SEPTIN7: variants seen among roughly 807,000 people sequenced by gnomAD.
SEPTIN7 encodes the protein septin 7, also known as septin-7.
A neutral mutation model predicts 63.3 loss-of-function variants in SEPTIN7; 10 were observed. The observed-to-expected ratio is 0.16, with a 90% CI of 0.10 to 0.27. The LOEUF is 0.27. SEPTIN7 is among the 10% of genes least tolerant of loss of function. The pLI is 1.00. For synonymous variants in SEPTIN7, 131 were observed against 165.3 expected (o/e 0.79, Z 1.59); for missense variants, 310 against 521.0 (o/e 0.59, Z 3.94).
At chr7:35,873,879 A>G (rs936537107) in intron 6 of SEPTIN7, 104 bp downstream of exon 6, 32 of 1,074,706 alleles carry the variant, frequency 3.0e-5, no homozygotes, top group South Asian at 2.3e-4. Context: ...ACACACAACT[A>G]TAGCCATTAT....
intron 3 of SEPTIN7, among the ~76,000 whole-genome samples, chr7:35,848,255 A>G (rs1784785206): frequency 6.6e-6 from 1 of 152,184 alleles, no homozygotes; most frequent in Non-Finnish European, 1.5e-5. Context: ...AAAGACTAAT[A>G]GTATTCACAA....
At chr7:35,801,381 C>G in intron 1 of SEPTIN7, 111 bp downstream of exon 1, 17 of 1,342,988 alleles carry the variant, frequency 1.3e-5, no homozygotes, top group Non-Finnish European at 1.7e-5. Flanking sequence ...GCGGAGGCAG[C>G]GGCGAGGGGA....
chr7:35,803,184 G>C (rs1788110546), intron 1 of SEPTIN7: 1 of 936,418 alleles, frequency 1.1e-6, no homozygotes, highest in African/African-American at 1.8e-5. Context: ...GGAGATATTT[G>C]ATGCATACAT....
intron 1 of SEPTIN7, among the ~76,000 whole-genome samples, chr7:35,827,477 A>G (rs1277039457): frequency 1.3e-5 from 2 of 152,110 alleles, no homozygotes; most frequent in Non-Finnish European, 2.9e-5. Context: ...TATATGTTTT[A>G]ATCGACCAGT....
At chr7:35,820,421 C>T (rs1789343898) in intron 1 of SEPTIN7, among the ~76,000 whole-genome samples, 1 of 151,948 alleles carries the variant, frequency 6.6e-6, no homozygotes, top group African/African-American at 2.4e-5. Flanking sequence ...GTCTCTGGCT[C>T]TGTTCATTTT....
chr7:35,901,773 C>G (rs900903202), intron 12 of SEPTIN7: 1 of 152,100 alleles, frequency 6.6e-6, no homozygotes, highest in African/African-American at 2.4e-5. Flanking sequence ...GAGGTAACTA[C>G]TATTCCGAAT....
chr7:35,820,405 C>G (rs1789342472), intron 1 of SEPTIN7, among the ~76,000 whole-genome samples: 1 of 151,872 alleles, frequency 6.6e-6, no homozygotes, highest in Non-Finnish European at 1.5e-5. Flanking sequence ...TGATTTTGTT[C>G]TGTAGGTCTC....
At chr7:35,823,016 T>C (rs1334774514) in intron 1 of SEPTIN7, among the ~76,000 whole-genome samples, 1 of 152,184 alleles carries the variant, frequency 6.6e-6, no homozygotes, top group African/African-American at 2.4e-5. Context: ...ATCCTTTTTT[T>C]TCTCTCTCTG....
At chr7:35,852,021 A>G (rs1191389084) in intron 3 of SEPTIN7, among the ~76,000 whole-genome samples, 1 of 152,240 alleles carries the variant, frequency 6.6e-6, no homozygotes, top group South Asian at 2.1e-4. Flanking sequence ...AAGGCTGTCT[A>G]CTTCACCTTT....
At chr7:35,808,675 A>G (rs1788507784) in intron 1 of SEPTIN7, among the ~76,000 whole-genome samples, 1 of 152,200 alleles carries the variant, frequency 6.6e-6, no homozygotes, top group African/African-American at 2.4e-5. Context: ...AAGGAGCAAA[A>G]GGGTCAAGCA....
intron 3 of SEPTIN7, among the ~76,000 whole-genome samples, chr7:35,856,881 TAAA>T (rs1376977482): frequency 2.0e-5 from 3 of 152,244 alleles, no homozygotes; most frequent in African/African-American, 7.2e-5. Flanking sequence ...TTCTAAAAGT[TAAA>T]TATAAAGTTC....
At chr7:35,858,349 G>A (rs987331724) in intron 3 of SEPTIN7, among the ~76,000 whole-genome samples, 1 of 152,038 alleles carries the variant, frequency 6.6e-6, no homozygotes, top group African/African-American at 2.4e-5. Flanking sequence ...CCAACAATTG[G>A]TTTTGCTGAT....
At chr7:35,846,466 T>C (rs180788297) in intron 3 of SEPTIN7, among the ~76,000 whole-genome samples, 1 of 152,354 alleles carries the variant, frequency 6.6e-6, no homozygotes, top group East Asian at 1.9e-4. Flanking sequence ...AATGCTCATA[T>C]GTGTCTCATC....
At chr7:35,849,688 G>GA (rs1233206316) in intron 3 of SEPTIN7, among the ~76,000 whole-genome samples, 1 of 152,134 alleles carries the variant, frequency 6.6e-6, no homozygotes, top group Non-Finnish European at 1.5e-5. Context: ...CAGATGTAAA[G>GA]AAAAAATAAA....
At chr7:35,815,601 T>C (rs1395903941) in intron 1 of SEPTIN7, among the ~76,000 whole-genome samples, 2 of 152,218 alleles carry the variant, frequency 1.3e-5, no homozygotes, top group Admixed American at 6.5e-5. Flanking sequence ...GCTTACTTGC[T>C]AGAGTATATT....
At chr7:35,836,376 G>A (rs1216232244) in intron 3 of SEPTIN7, among the ~76,000 whole-genome samples, 7 of 152,100 alleles carry the variant, frequency 4.6e-5, no homozygotes, top group Non-Finnish European at 1.0e-4. Flanking sequence ...AAAACAGGTA[G>A]TATTAAACCT....
chr7:35,914,519 C>T, the SEPTIN7 span, among the ~76,000 whole-genome samples: 1 of 152,076 alleles, frequency 6.6e-6, no homozygotes, highest in Non-Finnish European at 1.5e-5. Flanking sequence ...TCACTTCTTC[C>T]CTGGGTCTCC....
intron 3 of SEPTIN7, among the ~76,000 whole-genome samples, chr7:35,862,580 A>C (rs565929848): frequency 6.6e-6 from 1 of 152,242 alleles, no homozygotes; most frequent in Admixed American, 6.5e-5. Context: ...TTTTACATCT[A>C]GTAAAAATTG....
At chr7:35,820,628 G>A (rs1789356890) in intron 1 of SEPTIN7, among the ~76,000 whole-genome samples, 1 of 152,006 alleles carries the variant, frequency 6.6e-6, no homozygotes, top group African/African-American at 2.4e-5. Context: ...ATACTTGACA[G>A]TTTATTAGAC....
Sources: gnomAD v4.1 joint callset for allele counts (sites outside exome capture counted in the v4.1 genomes callset) on GRCh38, gnomAD v4.1.1 for gene constraint, MANE v1.5 for transcripts, NCBI Gene and HGNC (gene_info 2026-07-23, HGNC 2026-07-21) for gene names.